The following DNAH10 variants were observed in gnomAD, a reference collection of about 807,000 sequenced individuals.
The protein encoded by DNAH10 is axonemal beta dynein heavy chain 10.
A neutral mutation model predicts 506.6 loss-of-function variants in DNAH10; 348 were observed. The observed-to-expected ratio is 0.69, with a 90% CI of 0.63 to 0.75. The LOEUF is 0.75. Ranked by LOEUF, DNAH10 falls within the 30% of genes least tolerant of loss-of-function variation. The pLI, the probability that DNAH10 is intolerant of heterozygous loss-of-function variation, is 0.00. For missense variants in DNAH10, 5,179 were observed against 5,787.1 expected (o/e 0.89, Z 3.41); for synonymous variants, 2,059 against 2,198.6 (o/e 0.94, Z 1.78).
chr12:123,934,002 A>G (rs969827923), intron 77 of DNAH10: 17 of 500,248 alleles, frequency 3.4e-5, no homozygotes, highest in Non-Finnish European at 5.7e-5. Context: ...ATGTTGTCTT[A>G]GAGTTCTTTT....
intron 52 of DNAH10, among the ~76,000 whole-genome samples, chr12:123,891,261 C>T (rs969679006): frequency 4.6e-5 from 7 of 152,176 alleles, no homozygotes; most frequent in African/African-American, 1.7e-4. Flanking sequence ...ATAAGGGTAC[C>T]TGTCATATTG....
In DNAH10 at chr12:123,887,224, T is replaced by C. The variant is rs751231271; in HGVS notation, c.8906T>C (p.Ile2969Thr). Residue 2969 changes from isoleucine to threonine, a missense_variant, in exon 52 of 79, where the codon ATT becomes ACT. By Grantham distance (89) the Ile-to-Thr change is moderately conservative (BLOSUM62 -1). Coordinates refer to ENST00000673944, the MANE Select transcript of DNAH10 (RefSeq NM_001372106.1). ...DLKSLYLKLG[I>T]ENKAMIFLFT... is the part of the protein sequence containing the mutation. Reference sequence around the variant, plus strand: ...AAGAGCCTCTATTTGAAACTTGGGATTGAGAACAAAGCGATGATCTTTCTG... The same window carrying C: ...AAGAGCCTCTATTTGAAACTTGGGACTGAGAACAAAGCGATGATCTTTCTG... 7.4e-6 allele frequency: 12 copies of C among 1,613,846 alleles called. No individual in the cohort carries two copies. The South Asian group carries it at 1.2e-4, about 16-fold the overall frequency.
At chr12:123,865,534 G>T (rs1951771996) in intron 40 of DNAH10, among the ~76,000 whole-genome samples, 1 of 151,692 alleles carries the variant, frequency 6.6e-6, no homozygotes, top group Non-Finnish European at 1.5e-5. Context: ...TAATATATCT[G>T]GTTTAGCTTT....
intron 18 of DNAH10, among the ~76,000 whole-genome samples, chr12:123,807,271 G>A (rs1236453891): frequency 6.6e-6 from 1 of 152,052 alleles, no homozygotes; most frequent in African/African-American, 2.4e-5. Context: ...GCTGCCTGTT[G>A]GATTAGACTC....
intron 54 of DNAH10, among the ~76,000 whole-genome samples, chr12:123,896,586 A>G (rs952393451): frequency 2.0e-5 from 3 of 152,150 alleles, no homozygotes; most frequent in Non-Finnish European, 4.4e-5. Context: ...GGGGAGCAAC[A>G]GGGCAGAGTT....
chr12:123,839,691 C>T (rs1212247953), intron 29 of DNAH10, among the ~76,000 whole-genome samples: 1 of 121,266 alleles, frequency 8.2e-6, no homozygotes, highest in Non-Finnish European at 1.6e-5. Flanking sequence ...GAGACAGAGT[C>T]TCACTCTGTC....
At chr12:123,857,005 C>A in intron 36 of DNAH10, 51 bp from the exon 37 acceptor site, 1 of 1,526,894 alleles carries the variant, frequency 6.5e-7, no homozygotes, top group Non-Finnish European at 8.9e-7. Flanking sequence ...CAGTCCAAAG[C>A]ACTGGGTTCC....
intron 65 of DNAH10, chr12:123,923,067 T>C (rs752588672): frequency 2.0e-4 from 30 of 152,328 alleles, no homozygotes; most frequent in Middle Eastern, 3.4e-3. Flanking sequence ...AATTTTTTTT[T>C]CCAGGAACAC....
chr12:123,777,849 G>T (rs1957497790), intron 5 of DNAH10, among the ~76,000 whole-genome samples: 1 of 151,350 alleles, frequency 6.6e-6, no homozygotes, highest in Non-Finnish European at 1.5e-5. Flanking sequence ...TTTTTTTAAA[G>T]ACGGTGTCTC....
chr12:123,884,312 G>A (rs914457551), intron 51 of DNAH10, among the ~76,000 whole-genome samples: 8 of 152,208 alleles, frequency 5.3e-5, no homozygotes, highest in Admixed American at 4.6e-4. Flanking sequence ...TCTTCAGTGT[G>A]TTTTCTGGAA....
In DNAH10 at chr12:123,771,607, G is replaced by A. The variant is rs775604149; in HGVS notation, c.305G>A (p.Arg102His). ...ACTGATTGCTGTTTTGCAGCTAAGC[G>A]TGTGTCACTGAGAACCGAATCTCTA... The part of the protein sequence containing the change: ...VESVDKVRAK[R>H]VSLRTESLGQ... The change falls in exon 3 of 79, where the codon CGT (arginine) becomes CAT (histidine). Residue 102 changes from arginine to histidine, a missense_variant. Arg to His is a conservative substitution (Grantham distance 29). Transcript: ENST00000673944. 80 of 1,613,282 alleles carry A rather than the reference G, an allele frequency of 5.0e-5. No individual in the cohort carries two copies. The highest frequency in any genetic ancestry group is 4.9e-4 in the Middle Eastern group (3 of 6,084).
At position 123,917,821 on chromosome 12, in the gene DNAH10, C is replaced by A; in HGVS notation, c.11232+8C>A. ...AAATCCAAGGCAACAGAGGTAGCAA[C>A]CACAGTGGAAGAGGCCGTGAGTCAG... On this transcript the variant is annotated splice_region_variant and intron_variant, in intron 64 of 78. Transcript: ENST00000673944. This position sits in a 1 kb window ranked among gnomAD's most constrained non-coding sequence, Gnocchi z 5.6. 6.4e-7 allele frequency: 1 copy of A among 1,562,960 alleles called. No homozygotes were observed. The highest frequency in any genetic ancestry group is 8.7e-7 in the Non-Finnish European group (1 of 1,153,892).
intron 37 of DNAH10, among the ~76,000 whole-genome samples, chr12:123,857,778 T>C (rs1355189286): frequency 6.6e-6 from 1 of 152,194 alleles, no homozygotes; most frequent in Non-Finnish European, 1.5e-5. Context: ...GCTAAGTACA[T>C]TCACATTACT....
chr12:123,898,301 C>T (rs756733429), intron 55 of DNAH10, among the ~76,000 whole-genome samples: 1 of 152,220 alleles, frequency 6.6e-6, no homozygotes, highest in Non-Finnish European at 1.5e-5. Flanking sequence ...GCCTCGACCT[C>T]CTGGGTTCAC....
Position 123,820,703 on chromosome 12 carries a change from T to C in DNAH10, c.4124T>C (p.Val1375Ala), listed in dbSNP as rs772142507. The part of the protein sequence containing the change: ...PITMYPELLK[V>A]QKEMSGLRMI... Reference sequence around the variant, plus strand: ...ACAATGTACCCAGAGCTGCTGAAAGTGCAGAAGGAAATGAGTGGGCTGAGG... The same window carrying C: ...ACAATGTACCCAGAGCTGCTGAAAGCGCAGAAGGAAATGAGTGGGCTGAGG... The change falls in exon 24 of 79, where the codon GTG (valine) becomes GCG (alanine). Residue 1375 changes from valine (V) to alanine (A), a missense_variant. By Grantham distance (64) the Val-to-Ala change is moderately conservative (BLOSUM62 0). Around this residue, in one of 3 missense-constraint regions of DNAH10, gnomAD observed 4,844 missense variants for 5,430.5 expected, o/e 0.89. Transcript: ENST00000673944. 1.5e-5 allele frequency: 25 copies of C among 1,613,868 alleles called. No individual in the cohort carries two copies. In the Admixed American group the frequency reaches 2.8e-4, roughly 18 times the overall value.
rs778299462 is a variant in DNAH10, at chr12:123,787,865, A to G, written c.1483A>G (p.Lys495Glu). 3 of 1,613,840 alleles carry G rather than the reference A, an allele frequency of 1.9e-6. No individual in the cohort carries two copies. Among genetic ancestry groups the G allele is most frequent in the Non-Finnish European group, 2.5e-6 (3 of 1,179,882 alleles). Residue 495 changes from lysine (K) to glutamate (E), a missense_variant, in exon 10 of 79, where the codon AAA (lysine) becomes GAA (glutamate). Physicochemically the swap from Lys to Glu is moderately conservative, Grantham distance 56. This residue lies in a region of DNAH10 where 4,844 missense variants were observed against 5,430.5 expected (regional missense o/e 0.89). Coordinates refer to ENST00000673944, the MANE Select transcript of DNAH10 (RefSeq NM_001372106.1). This position sits in a 1 kb window ranked among gnomAD's most constrained non-coding sequence, Gnocchi z 4.6. ...AGCCAGGAACACCCTCAGGCTGTGG[A>G]AAAAGGCCTATTTTGACACCCGGGC... ...LEARNTLRLW[K>E]KAYFDTRAKI...
intron 50 of DNAH10, among the ~76,000 whole-genome samples, chr12:123,880,896 C>T (rs535757407): frequency 1.0e-4 from 15 of 147,730 alleles, no homozygotes; most frequent in South Asian, 8.7e-4. Flanking sequence ...TGAGAACATG[C>T]GGTGTTTGGT....
At chr12:123,765,206 G>T (rs924023722) in intron 1 of DNAH10, among the ~76,000 whole-genome samples, 1 of 151,978 alleles carries the variant, frequency 6.6e-6, no homozygotes, top group Admixed American at 6.6e-5. Flanking sequence ...CTTCCGGGCA[G>T]CAGATACCCA....
chr12:123,866,402 A>C (rs7975979), intron 41 of DNAH10, among the ~76,000 whole-genome samples: 82,576 of 150,854 alleles, frequency 0.55, 23,239 homozygotes, highest in African/African-American at 0.67. Flanking sequence ...CGCCACCACG[A>C]CCGGCTAATT....
Sources: allele counts gnomAD v4.1 joint callset (sites outside exome capture counted in the v4.1 genomes callset), GRCh38; gene constraint gnomAD v4.1.1; regional missense constraint gnomAD v4.1.1; non-coding constraint Gnocchi (gnomAD v3.1); transcripts MANE v1.5; gene names NCBI Gene and HGNC (gene_info 2026-07-23, HGNC 2026-07-21).